Variants in ACTR8 observed in about 807,000 individuals in gnomAD.
ACTR8 encodes actin related protein 8.
Under a neutral mutation model 84.3 loss-of-function variants are expected in ACTR8, and 70 were observed. That is an observed-to-expected ratio of 0.83 (90% confidence interval 0.68 to 1.01). The LOEUF is 1.01. ACTR8 is among the 50% of genes least tolerant of loss of function. ACTR8 has a pLI of 0.00. For synonymous variants in ACTR8, 268 were observed against 275.2 expected, an observed-to-expected ratio of 0.97 and a Z score of 0.26; for missense variants, 672 against 775.4, an observed-to-expected ratio of 0.87 and a Z score of 1.58.
chr3:53,876,344 C>G (rs1289333264), intron 6 of ACTR8, among the ~76,000 whole-genome samples: 1 of 151,984 alleles, frequency 6.6e-6, no homozygotes, highest in Non-Finnish European at 1.5e-5. Context: ...CAGTGAAACC[C>G]TGTATCTACT....
At position 53,870,753 on chromosome 3, in the gene ACTR8, G is replaced by C. The variant is rs1379052349; in HGVS notation, c.1567+479C>G. Among the ~76,000 whole-genome samples, 1 of 152,168 alleles carries C rather than the reference G, an allele frequency of 6.6e-6. No homozygotes were observed. The highest frequency in any genetic ancestry group is 1.5e-5 in the Non-Finnish European group (1 of 68,032). ...CACACCCTGCTTCCCAGCCACACAG[G>C]TCTTCACAGGCTTCTTCCTCTACCC... On this transcript the variant is annotated intron_variant, in intron 11 of 12. Transcript: ENST00000335754. The surrounding 1 kb of genome is among the most constrained non-coding windows in gnomAD (Gnocchi z 4.1).
rs980673721 is a variant in ACTR8 at position 53,871,275 on chromosome 3, G to C, written c.1524C>G (p.Ala508=). 1 of 1,614,226 alleles carries C rather than the reference G, an allele frequency of 6.2e-7. No individual in the cohort carries two copies. Among genetic ancestry groups the C allele is most frequent in the East Asian group, 2.2e-5 (1 of 44,874 alleles). The change falls in exon 11 of 13, where the codon GCC becomes GCG. Residue 508 remains alanine (A), a synonymous_variant. Transcript: ENST00000335754. ...GGAGGATGGCTTTATCCAGGCCCAGGGCTTTTCCTTCAAACAGCGAGATGG... is the reference window on the plus strand; with the variant it reads ...GGAGGATGGCTTTATCCAGGCCCAGCGCTTTTCCTTCAAACAGCGAGATGG... ...KTAISLFEGK[A]LGLDKAILHS...
In ACTR8 at chr3:53,880,053, A is replaced by G. The variant is rs1165778956; in HGVS notation, c.180T>C (p.Ile60=). The part of the protein sequence containing the change: ...VIHPGSTTLR[I]GRATDTLPAS... ...CAGGAAGAGTGTCTGTGGCTCGACC[A>G]ATCCTTAAAGTTGTTGAACCTGGAT... The change falls in exon 2 of 13, where the codon ATT becomes ATC. Residue 60 remains isoleucine (I), a synonymous_variant. Coordinates refer to ENST00000335754, the MANE Select transcript of ACTR8 (RefSeq NM_022899.5). The G allele has an allele frequency of 6.2e-7, 1 of 1,614,200 alleles. No homozygotes were observed. The highest frequency in any genetic ancestry group is 8.5e-7 in the Non-Finnish European group (1 of 1,180,022).
At chr3:53,865,465 T>C (rs1223813639), downstream of ACTR8, 3 of 574,748 alleles carry the variant, frequency 5.2e-6, no homozygotes, top group African/African-American at 3.7e-5. Flanking sequence ...TGCTAACTAA[T>C]GTAGCATTAA....
In ACTR8 at chr3:53,876,698, A is replaced by G; in HGVS notation, c.700T>C (p.Leu234=). ...LKDLKYYRCI[L]LIPDIYNKQH... ...TTATTATAGATATCAGGAATTAACAAGATACATCTATAATACTAAAAAGAA... is the reference window on the plus strand; with the variant it reads ...TTATTATAGATATCAGGAATTAACAGGATACATCTATAATACTAAAAAGAA... The change falls in exon 6 of 13, where the codon TTG becomes CTG. Residue 234 remains leucine, a synonymous_variant. Transcript: ENST00000335754. The G allele has an allele frequency of 6.7e-7, 1 of 1,502,246 alleles. No homozygotes were observed. The highest frequency in any genetic ancestry group is 9.2e-7 in the Non-Finnish European group (1 of 1,089,284). The allele number at this position is 1,502,246 out of a possible 1,614,324, so 93.1% of individuals were successfully genotyped here. A position where few individuals can be genotyped will look rare whatever the true frequency, so the allele number is the denominator to read the frequency against.
chr3:53,873,589 C>G (rs66818866), intron 8 of ACTR8, among the ~76,000 whole-genome samples: 5,828 of 152,236 alleles, frequency 0.038, 151 homozygotes, highest in South Asian at 0.07. Flanking sequence ...AATGTCTGTT[C>G]TTACATATTT....
Position 53,882,068 on chromosome 3 carries a change from C to T in ACTR8, c.34G>A (p.Gly12Arg). 6.4e-7 allele frequency: 1 copy of T among 1,551,670 alleles called. No individual in the cohort carries two copies. The highest frequency in any genetic ancestry group is 8.7e-7 in the Non-Finnish European group (1 of 1,146,864). Residue 12 changes from glycine to arginine, a missense_variant, in exon 1 of 13, where the codon GGA becomes AGA. Coordinates refer to ENST00000335754, the MANE Select transcript of ACTR8 (RefSeq NM_022899.5). ...TQAEKGDTEN[G>R]KEKGGEKEKE... The stretch of plus-strand genomic sequence containing the variant: ...TCCTTCTCGCCGCCCTTCTCCTTTC[C>T]GTTCTCCGTATCACCCTTCTCAGCC...
Position 53,868,680 on chromosome 3 carries a change from G to A in ACTR8, c.*39C>T, listed in dbSNP as rs1328904011. Reference sequence around the variant, plus strand: ...CTGTAAGAGTCTTTTATACCAAGAAGCTTGTTTTTGGTCTTCGGCAGTGAC... The same window carrying A: ...CTGTAAGAGTCTTTTATACCAAGAAACTTGTTTTTGGTCTTCGGCAGTGAC... On this transcript the variant is annotated 3_prime_UTR_variant, in exon 13 of 13. Transcript: ENST00000335754. 3 of 1,606,512 alleles carry A rather than the reference G, an allele frequency of 1.9e-6. No homozygotes were observed. Among genetic ancestry groups the A allele is most frequent in the Non-Finnish European group, 2.5e-6 (3 of 1,176,532 alleles).
At chr3:53,865,923 C>A (rs1699766823), downstream of ACTR8, 1 of 152,164 alleles carries the variant, frequency 6.6e-6, no homozygotes, top group Non-Finnish European at 1.5e-5. Flanking sequence ...ACATGAACAA[C>A]AAAATACCCA....
intron 8 of ACTR8, among the ~76,000 whole-genome samples, chr3:53,873,856 G>A (rs1559792838): frequency 6.6e-6 from 1 of 152,022 alleles, no homozygotes. Flanking sequence ...ATGGAGTCTC[G>A]CTTTGTCGCC....
At chr3:53,881,114 G>A (rs1309758569) in intron 1 of ACTR8, among the ~76,000 whole-genome samples, 1 of 152,208 alleles carries the variant, frequency 6.6e-6, no homozygotes, top group Non-Finnish European at 1.5e-5. Context: ...AACAGTAATG[G>A]CCACTCTGGG....
At chr3:53,860,228 G>A in the ACTR8 span, 97 of 1,607,762 alleles carry the variant, frequency 6.0e-5, no homozygotes, top group Middle Eastern at 1.7e-4. Context: ...GTGGAGGCAC[G>A]GTAAGGGTTA....
At chr3:53,864,739 C>T, downstream of ACTR8, 2 of 1,588,954 alleles carry the variant, frequency 1.3e-6, no homozygotes, top group South Asian at 2.2e-5. Context: ...CTTTTCTCCT[C>T]TCACAGAAAG....
chr3:53,868,990 TAA>T, intron 12 of ACTR8, 128 bp from the exon 13 acceptor site: 1 of 1,300,038 alleles, frequency 7.7e-7, no homozygotes, highest in Non-Finnish European at 1.0e-6. Flanking sequence ...CACCCTGTAT[TAA>T]AGACAGCAGG....
downstream of ACTR8, among the ~76,000 whole-genome samples, chr3:53,862,295 A>T (rs146793771): frequency 5.1e-4 from 78 of 152,286 alleles, no homozygotes; most frequent in Admixed American, 3.1e-3. Context: ...GGCTCATTAC[A>T]CACAGTACTT....
At position 53,868,510 on chromosome 3, in the gene ACTR8, C is replaced by G; in HGVS notation, c.*209G>C. The G allele has an allele frequency of 3.1e-6, 2 of 638,090 alleles. No homozygotes were observed. Among genetic ancestry groups the G allele is most frequent in the South Asian group, 4.8e-5 (2 of 41,538 alleles). The allele number at this position is 638,090 out of a possible 1,614,324, so 39.5% of individuals were successfully genotyped here. On this transcript the variant is annotated 3_prime_UTR_variant, in exon 13 of 13. Transcript: ENST00000335754. The stretch of plus-strand genomic sequence containing the variant: ...GAGTTTACAACTGAAGAGAAAGTTC[C>G]TATTTATTCTCAAATGCCCTGACTA...
intron 10 of ACTR8, among the ~76,000 whole-genome samples, chr3:53,872,149 A>G (rs1424579719): frequency 2.0e-5 from 3 of 152,232 alleles, no homozygotes; most frequent in Non-Finnish European, 2.9e-5. Context: ...CACCAAAAGG[A>G]AAGTGTCATT....
chr3:53,879,069 A>C (rs1460322873), intron 2 of ACTR8, among the ~76,000 whole-genome samples: 2 of 152,226 alleles, frequency 1.3e-5, no homozygotes, highest in African/African-American at 2.4e-5. Flanking sequence ...AGCAAGGCTT[A>C]AACTTTTTGG....
At chr3:53,880,156 G>GT in intron 1 of ACTR8, 47 bp from the exon 2 acceptor site, 1 of 1,561,156 alleles carries the variant, frequency 6.4e-7, no homozygotes, top group Non-Finnish European at 8.8e-7. Flanking sequence ...TAATATGCAG[G>GT]TAACAAAGTT....
Sources: allele counts gnomAD v4.1 joint callset (sites outside exome capture counted in the v4.1 genomes callset), GRCh38; gene constraint gnomAD v4.1.1; non-coding constraint Gnocchi (gnomAD v3.1); transcripts MANE v1.5; gene names NCBI Gene and HGNC (gene_info 2026-07-23, HGNC 2026-07-21).